The following PLXNA1 variants were observed in gnomAD, a reference collection of about 807,000 sequenced individuals.
PLXNA1 encodes the protein plexin A1.
In PLXNA1, 77 loss-of-function variants were observed where a neutral mutation model predicts 191.7. The observed-to-expected ratio is 0.40, with a 90% CI of 0.33 to 0.49. The LOEUF (loss-of-function observed/expected upper bound fraction) is 0.49, where lower values mean the gene tolerates loss of function less well. PLXNA1 is among the 20% of genes least tolerant of loss of function. The pLI, the probability that PLXNA1 is intolerant of heterozygous loss-of-function variation, is 0.63. For synonymous variants in PLXNA1, 1,137 were observed against 1,156.4 expected, an observed-to-expected ratio of 0.98 and a Z score of 0.34; for missense variants, 2,110 against 2,660.2, an observed-to-expected ratio of 0.79 and a Z score of 4.55.
rs920317173 is a variant in PLXNA1 at position 127,014,339 on chromosome 3, C to T, written c.2568C>T (p.His856=). ...DTPASWMHAR[H]GSSRCTDPKI... ...CTGCATCGTGGATGCACGCGCGTCA[C>T]GGCAGCAGTCGCTGCACCGACCCCA... Residue 856 remains histidine, a synonymous_variant, in exon 12 of 32, where the codon CAC becomes CAT. Coordinates refer to ENST00000393409, the MANE Select transcript of PLXNA1 (RefSeq NM_032242.4). 9 of 1,595,584 alleles carry T rather than the reference C, an allele frequency of 5.6e-6. No homozygotes were observed. The highest frequency in any genetic ancestry group is 2.7e-5 in the African/African-American group (2 of 74,810).
rs768562501 is a variant in PLXNA1 at position 126,989,783 on chromosome 3, A to C, written c.1190A>C (p.Asn397Thr). Residue 397 changes from asparagine to threonine, a missense_variant, in exon 2 of 32, where the codon AAC (asparagine) becomes ACC (threonine). Physicochemically the swap from Asn to Thr is moderately conservative, Grantham distance 65. Coordinates refer to ENST00000393409, the MANE Select transcript of PLXNA1 (RefSeq NM_032242.4). ...WLLNKELGCI[N>T]SPLQIDDDFC... ...CTCAACAAGGAGCTGGGCTGCATCA[A>C]CTCGGTGAGTTGGGCAGGGGCGCCC... 5.6e-6 allele frequency: 9 copies of C among 1,602,244 alleles called. No individual in the cohort carries two copies. Among genetic ancestry groups the C allele is most frequent in the Non-Finnish European group, 7.7e-6 (9 of 1,173,004 alleles).
intron 3 of PLXNA1, among the ~76,000 whole-genome samples, chr3:126,999,662 C>T (rs911750878): frequency 3.9e-5 from 6 of 152,218 alleles, no homozygotes; most frequent in African/African-American, 7.2e-5. Flanking sequence ...AGCTGCCCGC[C>T]GGCAGCAGTT....
chr3:126,983,907 C>T (rs138803585), intron 1 of PLXNA1, among the ~76,000 whole-genome samples: 289 of 152,284 alleles, frequency 1.9e-3, no homozygotes, highest in Non-Finnish European at 3.3e-3. Context: ...GAAGTTGGAG[C>T]GGCTTCCCGA....
Position 127,003,848 on chromosome 3 carries a change from G to T in PLXNA1, c.1518+378G>T, listed in dbSNP as rs1314765514. 3.3e-5 allele frequency among the ~76,000 whole-genome samples: 5 copies of T among 152,234 alleles called. No homozygotes were observed. The South Asian group carries it at 1.0e-3, about 31-fold the overall frequency. On this transcript the variant is annotated intron_variant, in intron 4 of 31. Transcript: ENST00000393409. ...GTGTACTGGGCCACTGAGTCCTCAG[G>T]CCTAGGGCTGGGTCTCTGTCCAGTG...
intron 3 of PLXNA1, among the ~76,000 whole-genome samples, chr3:126,997,809 C>G (rs981797586): frequency 2.6e-5 from 4 of 152,226 alleles, no homozygotes; most frequent in Admixed American, 6.5e-5. Context: ...GGGGCACTCA[C>G]GGAGAGCCCT....
chr3:127,020,366 G>A, intron 21 of PLXNA1, 22 bp downstream of exon 21: 3 of 1,609,636 alleles, frequency 1.9e-6, no homozygotes, highest in South Asian at 1.1e-5. Context: ...GGCTCCGGGG[G>A]GTCACAGGAA....
At position 127,019,867 on chromosome 3, in the gene PLXNA1, C is replaced by T. The variant is rs150286758; in HGVS notation, c.3896-335C>T. Among the ~76,000 whole-genome samples, 956 of 152,306 alleles carry T rather than the reference C, an allele frequency of 6.3e-3. 10 individuals carry two copies. The highest frequency in any genetic ancestry group is 0.022 in the African/African-American group (898 of 41,572). ...CTCACCCCTGGCCGCACTCCACCAC[C>T]TCACAGCGGGTGGAAGGAGCCCGAA... On this transcript the variant is annotated intron_variant, in intron 20 of 31. Transcript: ENST00000393409.
intron 4 of PLXNA1, 148 bp from the exon 5 acceptor site, chr3:127,004,463 C>G (rs1473836869): frequency 1.5e-6 from 1 of 661,428 alleles, no homozygotes; most frequent in African/African-American, 1.8e-5. Flanking sequence ...TTGGCCAGGG[C>G]AGGGTCACCA....
chr3:127,020,278 C>T lies in PLXNA1; in HGVS notation c.3972C>T (p.Tyr1324=). The T allele has an allele frequency of 6.2e-7, 1 of 1,613,268 alleles. No individual in the cohort carries two copies. Among genetic ancestry groups the T allele is most frequent in the Non-Finnish European group, 8.5e-7 (1 of 1,179,988 alleles). ...LDGAGIPFLD[Y]RTYAMRVLFP... is the part of the protein sequence containing the mutation. Reference sequence around the variant, plus strand: ...GTGCCGGCATCCCCTTCCTTGACTACCGGACATATGCCATGCGGGTGCTCT... The same window carrying T: ...GTGCCGGCATCCCCTTCCTTGACTATCGGACATATGCCATGCGGGTGCTCT... Residue 1324 remains tyrosine, a synonymous_variant, in exon 21 of 32, where the codon TAC becomes TAT. Transcript: ENST00000393409.
chr3:127,027,946 G>A lies in PLXNA1; in HGVS notation c.4369G>A (p.Ala1457Thr), dbSNP rs759618516. 3.8e-5 allele frequency: 62 copies of A among 1,613,304 alleles called. No individual in the cohort carries two copies. Among genetic ancestry groups the A allele is most frequent in the Non-Finnish European group, 4.8e-5 (57 of 1,179,976 alleles). The change falls in exon 24 of 32, where the codon GCT (alanine) becomes ACT (threonine). Residue 1457 changes from alanine to threonine, a missense_variant. Physicochemically the swap from Ala to Thr is moderately conservative, Grantham distance 58. Coordinates refer to ENST00000393409, the MANE Select transcript of PLXNA1 (RefSeq NM_032242.4). ...CATGCCGCCACCCCCGCAGGAGTGC[G>A]CTGGGGAGCCGCTGTTCATGCTGTA... ...FLLYKFLKEC[A>T]GEPLFMLYCA...
chr3:126,983,495 G>A (rs1460566014), intron 1 of PLXNA1, among the ~76,000 whole-genome samples: 1 of 146,254 alleles, frequency 6.8e-6, no homozygotes, highest in Admixed American at 6.8e-5. Context: ...GTGTCCCTGC[G>A]GCTCCGGCCC....
At chr3:126,984,045 C>T (rs1386412078) in intron 1 of PLXNA1, among the ~76,000 whole-genome samples, 1 of 152,214 alleles carries the variant, frequency 6.6e-6, no homozygotes, top group Non-Finnish European at 1.5e-5. Context: ...TCAGCCGCTT[C>T]TCCCGGAGGC....
In PLXNA1 at chr3:127,035,885, CAG is replaced by C. The variant is rs2079240463; in HGVS notation, c.*1869_*1870del. 6.6e-6 allele frequency: 1 copy of C among 152,338 alleles called. No homozygotes were observed. The highest frequency in any genetic ancestry group is 1.5e-5 in the Non-Finnish European group (1 of 68,044). 9.4% of individuals were successfully genotyped at this position (152,338 alleles called of 1,614,324 possible). On this transcript the variant is annotated 3_prime_UTR_variant, in exon 32 of 32. Transcript: ENST00000393409. ...GGTGTGGAGTCAGTGACTGCTGACT[CAG>C]GGAGCTCCTTGGCCCCGTGGGCACT...
chr3:127,036,411 TG>T lies in PLXNA1; in HGVS notation c.*2397del, dbSNP rs2107641321. On this transcript the variant is annotated 3_prime_UTR_variant, in exon 32 of 32. Transcript: ENST00000393409. Reference sequence around the variant, plus strand: ...CAGGCCTCATGAAGCAGTTCCCACATGGGCGTGTGGCTGGGGCGTGGCCACC... The same window carrying T: ...CAGGCCTCATGAAGCAGTTCCCACATGGCGTGTGGCTGGGGCGTGGCCACC... 1 of 152,532 alleles carries T rather than the reference TG, an allele frequency of 6.6e-6. No individual in the cohort carries two copies. The highest frequency in any genetic ancestry group is 2.4e-5 in the African/African-American group (1 of 41,554). The allele number at this position is 152,532 out of a possible 1,614,324, so 9.4% of individuals were successfully genotyped here.
chr3:126,990,978 G>T (rs1248037823), intron 2 of PLXNA1, among the ~76,000 whole-genome samples: 1 of 151,996 alleles, frequency 6.6e-6, no homozygotes, highest in Non-Finnish European at 1.5e-5. Flanking sequence ...CCTAGCCCTG[G>T]CCCAGCCTCC....
intron 3 of PLXNA1, among the ~76,000 whole-genome samples, chr3:126,995,501 C>G (rs188706348): frequency 6.6e-6 from 1 of 152,250 alleles, no homozygotes; most frequent in African/African-American, 2.4e-5. Flanking sequence ...GACGGGCACC[C>G]GAGGCCAGCC....
chr3:127,023,342 C>G (rs374365450), intron 23 of PLXNA1, among the ~76,000 whole-genome samples: 102 of 152,352 alleles, frequency 6.7e-4, no homozygotes, highest in African/African-American at 2.4e-3. Context: ...TGGGCTTTAT[C>G]TGGGCAGTAA....
chr3:126,998,023 A>G (rs2079022564), intron 3 of PLXNA1, among the ~76,000 whole-genome samples: 1 of 152,260 alleles, frequency 6.6e-6, no homozygotes, highest in East Asian at 1.9e-4. Context: ...AGAGACCACG[A>G]TGTAGGAGGT....
rs541541860 is a variant in PLXNA1 at position 127,011,754 on chromosome 3, G to A, written c.2113-204G>A. On this transcript the variant is annotated intron_variant, in intron 9 of 31. Coordinates refer to ENST00000393409, the MANE Select transcript of PLXNA1 (RefSeq NM_032242.4). Reference sequence around the variant, plus strand: ...CTAGAACATGGGGCAGGGCATTCAGGGGCCAGAGGTAATAGAGCCTGTCTG... The same window carrying A: ...CTAGAACATGGGGCAGGGCATTCAGAGGCCAGAGGTAATAGAGCCTGTCTG... Among the ~76,000 whole-genome samples the A allele has an allele frequency of 1.2e-4, 19 of 152,336 alleles. No homozygotes were observed. The South Asian group carries it at 3.5e-3, about 28-fold the overall frequency.
Sources: allele counts gnomAD v4.1 joint callset (sites outside exome capture counted in the v4.1 genomes callset), GRCh38; gene constraint gnomAD v4.1.1; transcripts MANE v1.5; gene names NCBI Gene and HGNC (gene_info 2026-07-23, HGNC 2026-07-21).